PDZRN4: variants seen among roughly 807,000 people sequenced by gnomAD.
PDZRN4 encodes PDZ domain-containing RING finger protein 4.
A neutral mutation model predicts 99.0 loss-of-function variants in PDZRN4; 70 were observed. The observed-to-expected ratio is 0.71, with a 90% CI of 0.58 to 0.86. The LOEUF (loss-of-function observed/expected upper bound fraction) is 0.86. PDZRN4 is among the 40% of genes least tolerant of loss of function. The pLI is 0.00. For synonymous variants in PDZRN4, 551 were observed against 501.6 expected, an observed-to-expected ratio of 1.10 and a Z score of -1.32; for missense variants, 1,474 against 1,331.2, an observed-to-expected ratio of 1.11 and a Z score of -1.67.
intron 5 of PDZRN4, among the ~76,000 whole-genome samples, chr12:41,536,691 T>A (rs912803996): frequency 1.3e-5 from 2 of 151,096 alleles, no homozygotes; most frequent in Non-Finnish European, 2.9e-5. Context: ...GGATGGAAAA[T>A]CTCTGTACTT....
chr12:41,409,020 T>C (rs1010662561), intron 3 of PDZRN4, among the ~76,000 whole-genome samples: 8 of 152,270 alleles, frequency 5.3e-5, no homozygotes, highest in Middle Eastern at 3.4e-3. Flanking sequence ...AGTGGTATCA[T>C]AGGCAAAACT....
At chr12:41,467,970 C>T (rs1952944962) in intron 3 of PDZRN4, among the ~76,000 whole-genome samples, 1 of 152,190 alleles carries the variant, frequency 6.6e-6, no homozygotes. Flanking sequence ...CTTACATTCA[C>T]TCAACAAACA....
At chr12:41,205,745 T>C (rs1365061367) in intron 3 of PDZRN4, among the ~76,000 whole-genome samples, 2 of 151,886 alleles carry the variant, frequency 1.3e-5, no homozygotes, top group African/African-American at 4.8e-5. Context: ...CTTTTTAAGG[T>C]AAATGTTTAC....
At chr12:41,251,372 A>G (rs1252424752) in intron 3 of PDZRN4, among the ~76,000 whole-genome samples, 1 of 152,134 alleles carries the variant, frequency 6.6e-6, no homozygotes, top group Non-Finnish European at 1.5e-5. Flanking sequence ...TCTTCTTAAA[A>G]TTTGTAAACT....
At chr12:41,410,525 A>C (rs1952389534) in intron 3 of PDZRN4, among the ~76,000 whole-genome samples, 1 of 152,242 alleles carries the variant, frequency 6.6e-6, no homozygotes. Context: ...GTTTTGGGCC[A>C]GGCTGAAGTG....
chr12:41,396,883 T>C (rs947930070), intron 3 of PDZRN4, among the ~76,000 whole-genome samples: 1 of 152,176 alleles, frequency 6.6e-6, no homozygotes, highest in Non-Finnish European at 1.5e-5. Flanking sequence ...GAGAAAATGA[T>C]AAAAGATTAA....
intron 5 of PDZRN4, among the ~76,000 whole-genome samples, chr12:41,544,922 C>G (rs927416498): frequency 6.6e-6 from 1 of 152,152 alleles, no homozygotes; most frequent in Non-Finnish European, 1.5e-5. Flanking sequence ...ACTTTGGGCC[C>G]AAGTTCTCTC....
chr12:41,285,021 C>G (rs1951413221), intron 3 of PDZRN4, among the ~76,000 whole-genome samples: 1 of 152,058 alleles, frequency 6.6e-6, no homozygotes, highest in African/African-American at 2.4e-5. Context: ...TGTAATTAAA[C>G]TAAAGAGCTT....
rs185816152 is a variant in PDZRN4 at position 41,366,921 on chromosome 12, T to C, written c.844-139535T>C. On this transcript the variant is annotated intron_variant, in intron 3 of 9. Transcript: ENST00000402685. ...TGAAATGTGCCTGAGTGGGCTACAATGCAGTTGGGGGATGAGAGGGTGCTG... is the reference window on the plus strand; with the variant it reads ...TGAAATGTGCCTGAGTGGGCTACAACGCAGTTGGGGGATGAGAGGGTGCTG... 2.4e-3 allele frequency among the ~76,000 whole-genome samples: 365 copies of C among 152,174 alleles called. 1 individual carries two copies. Among genetic ancestry groups the C allele is most frequent in the African/African-American group, 8.3e-3 (343 of 41,558 alleles).
intron 3 of PDZRN4, among the ~76,000 whole-genome samples, chr12:41,308,409 C>T (rs531814903): frequency 6.6e-6 from 1 of 152,210 alleles, no homozygotes; most frequent in East Asian, 1.9e-4. Flanking sequence ...ATAATTCTCA[C>T]TTTTTTATAT....
intron 3 of PDZRN4, among the ~76,000 whole-genome samples, chr12:41,315,447 C>A (rs774969589): frequency 3.3e-5 from 5 of 151,994 alleles, no homozygotes; most frequent in Non-Finnish European, 7.4e-5. Flanking sequence ...GGTATGAGAG[C>A]ACATAAACAC....
intron 3 of PDZRN4, among the ~76,000 whole-genome samples, chr12:41,346,662 C>A (rs886088046): frequency 2.2e-4 from 34 of 151,954 alleles, no homozygotes; most frequent in Non-Finnish European, 4.4e-4. Context: ...AACAATCTAA[C>A]CAAAAGCTTG....
intron 3 of PDZRN4, among the ~76,000 whole-genome samples, chr12:41,241,110 G>T (rs1216976017): frequency 6.6e-6 from 1 of 151,938 alleles, no homozygotes; most frequent in Non-Finnish European, 1.5e-5. Flanking sequence ...AAGACCAGAA[G>T]TGTTTCAGAT....
At chr12:41,252,614 C>T (rs1264508867) in intron 3 of PDZRN4, among the ~76,000 whole-genome samples, 1 of 152,106 alleles carries the variant, frequency 6.6e-6, no homozygotes, top group African/African-American at 2.4e-5. Flanking sequence ...ATGGCACACA[C>T]CTGTAATCCC....
intron 3 of PDZRN4, among the ~76,000 whole-genome samples, chr12:41,409,013 G>A (rs897570607): frequency 1.3e-5 from 2 of 152,004 alleles, no homozygotes; most frequent in African/African-American, 2.4e-5. Context: ...GAATCCAAGT[G>A]GTATCATAGG....
At chr12:41,550,878 A>C (rs1192700645) in intron 5 of PDZRN4, among the ~76,000 whole-genome samples, 1 of 152,208 alleles carries the variant, frequency 6.6e-6, no homozygotes, top group Admixed American at 6.5e-5. Flanking sequence ...TCCACTGACA[A>C]GGACTTCATT....
At chr12:41,344,402 A>G (rs1951838207) in intron 3 of PDZRN4, among the ~76,000 whole-genome samples, 1 of 152,096 alleles carries the variant, frequency 6.6e-6, no homozygotes, top group South Asian at 2.1e-4. Flanking sequence ...ACCCACTCTT[A>G]GACAAGCTCA....
intron 3 of PDZRN4, among the ~76,000 whole-genome samples, chr12:41,286,336 C>CTTTTTTTT (rs71081721): frequency 1.7e-3 from 179 of 106,206 alleles, no homozygotes; most frequent in African/African-American, 2.9e-3. Context: ...CCTTCTTCTT[C>CTTTTTTTT]TTTTTTTTTT....
intron 3 of PDZRN4, among the ~76,000 whole-genome samples, chr12:41,286,601 G>A (rs1951424475): frequency 6.6e-6 from 1 of 151,972 alleles, no homozygotes; most frequent in African/African-American, 2.4e-5. Context: ...TAACATTTCT[G>A]GTCCACTCAC....
Sources: allele counts gnomAD v4.1 joint callset (sites outside exome capture counted in the v4.1 genomes callset), GRCh38; gene constraint gnomAD v4.1.1; transcripts MANE v1.5; gene names NCBI Gene and HGNC (gene_info 2026-07-23, HGNC 2026-07-21).